CSMD1: variants seen among roughly 807,000 people sequenced by gnomAD.
CSMD1 encodes CUB and Sushi multiple domains 1.
CSMD1 carries 213 observed loss-of-function variants against 417.5 expected under a neutral mutation model. The ratio of observed to expected loss-of-function variants is 0.51; its 90% CI spans 0.46 to 0.57. The LOEUF (loss-of-function observed/expected upper bound fraction) is 0.57, where lower values mean the gene tolerates loss of function less well. Among genes scored for constraint, CSMD1 ranks in the 20% least tolerant of loss-of-function variants. CSMD1 has a pLI of 0.00. For missense variants in CSMD1, 6,923 were observed against 4,529.7 expected (o/e 1.53, Z -15.17); for synonymous variants, 2,862 against 1,736.8 (o/e 1.65, Z -16.11).
Position 4,312,735 on chromosome 8 carries a change from G to A in CSMD1, c.415+107218C>T, listed in dbSNP as rs190131787. ...CTACTAACGAAAAAATGAGCCAGGC[G>A]TGGTGGCAGATACCTGTAATCCCAG... is the stretch of plus-strand genomic sequence containing the variant. On this transcript the variant is annotated intron_variant, in intron 3 of 69. Transcript: ENST00000635120. 1.2e-4 allele frequency among the ~76,000 whole-genome samples: 19 copies of A among 152,130 alleles called. No individual in the cohort carries two copies. The East Asian group carries it at 2.5e-3, about 20-fold the overall frequency.
rs1379086579 is a variant in CSMD1, at chr8:4,260,020, G to A, written c.415+159933C>T. ...CACATCAGTTAACATGTCTTCTTGT[G>A]CACACTTTTTTTTTTTTAACACATA... On this transcript the variant is annotated intron_variant, in intron 3 of 69. Transcript: ENST00000635120. Among the ~76,000 whole-genome samples, 4 of 45,050 alleles carry A rather than the reference G, an allele frequency of 8.9e-5. No homozygotes were observed. The Admixed American group carries it at 1.3e-3, about 14-fold the overall frequency. The allele number at this position is 45,050 out of a possible 152,430, so 29.6% of individuals were successfully genotyped here.
intron 6 of CSMD1, among the ~76,000 whole-genome samples, chr8:3,751,738 A>C (rs541673392): frequency 6.6e-6 from 1 of 152,152 alleles, no homozygotes; most frequent in Non-Finnish European, 1.5e-5. Flanking sequence ...AGCAGCTTCA[A>C]AGTTGATATT....
intron 3 of CSMD1, among the ~76,000 whole-genome samples, chr8:4,215,545 T>A (rs1263422632): frequency 6.6e-6 from 1 of 152,062 alleles, no homozygotes; most frequent in Non-Finnish European, 1.5e-5. Flanking sequence ...ATCCTTTACA[T>A]TGTTCTGATA....
intron 2 of CSMD1, among the ~76,000 whole-genome samples, chr8:4,479,976 A>T (rs1045262596): frequency 8.0e-5 from 12 of 150,328 alleles, no homozygotes; most frequent in South Asian, 4.2e-4. Context: ...AAAAAAAAAA[A>T]AAAATAAAAA....
chr8:3,649,897 C>G (rs1275267335), intron 7 of CSMD1, among the ~76,000 whole-genome samples: 1 of 152,080 alleles, frequency 6.6e-6, no homozygotes, highest in Non-Finnish European at 1.5e-5. Context: ...TACTATCTAG[C>G]CCAGAGCTTT....
intron 1 of CSMD1, among the ~76,000 whole-genome samples, chr8:4,821,462 C>G (rs557044342): frequency 6.6e-6 from 1 of 152,250 alleles, no homozygotes; most frequent in South Asian, 2.1e-4. Context: ...CGCAGTAAGA[C>G]AGTACAGGGA....
intron 5 of CSMD1, among the ~76,000 whole-genome samples, chr8:3,834,817 A>G (rs1004134306): frequency 4.6e-5 from 7 of 152,050 alleles, no homozygotes; most frequent in African/African-American, 9.7e-5. Context: ...CAACCTACTC[A>G]TCTGACAAAG....
At chr8:4,546,675 G>C (rs1303826617) in intron 2 of CSMD1, among the ~76,000 whole-genome samples, 1 of 152,068 alleles carries the variant, frequency 6.6e-6, no homozygotes, top group Admixed American at 6.6e-5. Context: ...TGGATCTCCA[G>C]CCTGTAGATA....
intron 5 of CSMD1, among the ~76,000 whole-genome samples, chr8:3,899,153 C>A (rs1584932381): frequency 6.6e-6 from 1 of 152,148 alleles, no homozygotes; most frequent in African/African-American, 2.4e-5. Context: ...ACAAAGATTG[C>A]CAGTACTGTC....
At chr8:3,872,580 T>C (rs540470408) in intron 5 of CSMD1, among the ~76,000 whole-genome samples, 2 of 152,294 alleles carry the variant, frequency 1.3e-5, no homozygotes, top group Middle Eastern at 3.4e-3. Context: ...AATTGCTTGA[T>C]AGAGTTCAGT....
rs1210601111 is a variant in CSMD1 at position 2,938,443 on chromosome 8, G to A, written c.*142C>T. 1.3e-5 allele frequency: 10 copies of A among 749,586 alleles called. No individual in the cohort carries two copies. The highest frequency in any genetic ancestry group is 7.9e-5 in the South Asian group (4 of 50,390). The allele number at this position is 749,586 out of a possible 1,614,324, so 46.4% of individuals were successfully genotyped here. ...CTGACACATTTGAGTAGAGATCCCC[G>A]CTGCACTTATGCCAGTAGACAAGGT... On this transcript the variant is annotated 3_prime_UTR_variant, in exon 70 of 70. Coordinates refer to ENST00000635120, the MANE Select transcript of CSMD1 (RefSeq NM_033225.6).
intron 10 of CSMD1, among the ~76,000 whole-genome samples, chr8:3,544,117 G>C (rs1057501463): frequency 6.6e-6 from 1 of 152,084 alleles, no homozygotes; most frequent in African/African-American, 2.4e-5. Context: ...GTGAGGGCTT[G>C]GTAAAACGAG....
Position 3,128,963 on chromosome 8 carries a change from G to A in CSMD1, c.6242-10376C>T, listed in dbSNP as rs141918994. On this transcript the variant is annotated intron_variant, in intron 41 of 69. Transcript: ENST00000635120. The stretch of plus-strand genomic sequence containing the variant: ...ATCTCACAAATCCTTTAAAAGCTGC[G>A]TGACAAACAATACTAGCATGGAGTT... The A allele has an allele frequency of 1.9e-3, 812 of 421,168 alleles. 8 individuals carry two copies. Among genetic ancestry groups the A allele is most frequent in the East Asian group, 0.011 (160 of 14,088 alleles). 26.1% of individuals were successfully genotyped at this position (421,168 alleles called of 1,614,324 possible). A position where few individuals can be genotyped will look rare whatever the true frequency, so the allele number is the denominator to read the frequency against.
chr8:4,057,966 G>A (rs6558838), intron 3 of CSMD1, among the ~76,000 whole-genome samples: 134,027 of 149,718 alleles, frequency 0.9, 60,157 homozygotes, highest in Middle Eastern at 0.95. Context: ...GTCAGGTAGG[G>A]TGATGCCTCC....
intron 5 of CSMD1, among the ~76,000 whole-genome samples, chr8:3,784,595 T>C (rs1799346691): frequency 1.3e-5 from 2 of 152,216 alleles, no homozygotes; most frequent in African/African-American, 2.4e-5. Context: ...GATGCTTCAA[T>C]ATATGCTTTA....
intron 2 of CSMD1, among the ~76,000 whole-genome samples, chr8:4,470,772 T>C (rs1800483705): frequency 6.6e-6 from 1 of 152,252 alleles, no homozygotes; most frequent in East Asian, 1.9e-4. Flanking sequence ...ACCCAGATTA[T>C]TTAGACAATA....
At chr8:4,418,450 A>C (rs1797068627) in intron 3 of CSMD1, among the ~76,000 whole-genome samples, 1 of 152,158 alleles carries the variant, frequency 6.6e-6, no homozygotes, top group African/African-American at 2.4e-5. Context: ...ACAGCGATGG[A>C]GTTTTCACAA....
intron 1 of CSMD1, among the ~76,000 whole-genome samples, chr8:4,910,155 T>A (rs376409258): frequency 6.6e-6 from 1 of 152,214 alleles, no homozygotes; most frequent in South Asian, 2.1e-4. Context: ...TTGCAGAACA[T>A]ATATTTCAAA....
intron 3 of CSMD1, among the ~76,000 whole-genome samples, chr8:4,093,853 G>A (rs971792655): frequency 1.3e-5 from 2 of 151,970 alleles, no homozygotes; most frequent in Non-Finnish European, 2.9e-5. Context: ...CCCAGCAATC[G>A]GGAGGCTGAG....
Sources: gnomAD v4.1 joint callset for allele counts (sites outside exome capture counted in the v4.1 genomes callset) on GRCh38, gnomAD v4.1.1 for gene constraint, MANE v1.5 for transcripts, NCBI Gene and HGNC (gene_info 2026-07-23, HGNC 2026-07-21) for gene names.